The following HCRTR2 variants were observed in gnomAD, a reference collection of about 807,000 sequenced individuals.
The protein encoded by HCRTR2 is hypocretin receptor 2.
HCRTR2 carries 22 observed loss-of-function variants against 49.0 expected under a neutral mutation model. That is an observed-to-expected ratio of 0.45 (90% confidence interval 0.32 to 0.64). HCRTR2 has a LOEUF of 0.64. Ranked by LOEUF, HCRTR2 falls within the 30% of genes least tolerant of loss-of-function variation. The pLI is 0.04. For synonymous variants in HCRTR2, 236 were observed against 205.3 expected (o/e 1.15, Z -1.28); for missense variants, 491 against 559.4 (o/e 0.88, Z 1.23).
At chr6:55,229,720 C>T (rs1766078752) in intron 1 of HCRTR2, among the ~76,000 whole-genome samples, 1 of 152,034 alleles carries the variant, frequency 6.6e-6, no homozygotes, top group African/African-American at 2.4e-5. Flanking sequence ...ATGGTAGTTG[C>T]CAGGGGCTGG....
At chr6:55,198,289 T>G (rs528610818) in intron 1 of HCRTR2, among the ~76,000 whole-genome samples, 3 of 152,172 alleles carry the variant, frequency 2.0e-5, no homozygotes, top group Non-Finnish European at 4.4e-5. Context: ...TAACTATATC[T>G]CCAACCCTAA....
intron 1 of HCRTR2, among the ~76,000 whole-genome samples, chr6:55,125,657 C>T (rs1002144470): frequency 1.3e-5 from 2 of 152,064 alleles, no homozygotes; most frequent in African/African-American, 4.8e-5. Flanking sequence ...TGAATGTTGG[C>T]CTGTCTTGCT....
At position 55,242,108 on chromosome 6, in the gene HCRTR2, G is replaced by A. The variant is rs567897835; in HGVS notation, c.224-6531G>A. 1.1e-3 allele frequency among the ~76,000 whole-genome samples: 173 copies of A among 151,854 alleles called. 1 individual carries two copies. The highest frequency in any genetic ancestry group is 4.1e-3 in the African/African-American group (168 of 41,406). On this transcript the variant is annotated intron_variant, in intron 1 of 6. Coordinates refer to ENST00000370862, the MANE Select transcript of HCRTR2 (RefSeq NM_001384272.1). ...TGGTCTCGAACTCCTGATCTCAGGG[G>A]ATCCACCCACCTCGGCCTCCCAAAG... is the stretch of plus-strand genomic sequence containing the variant.
At chr6:55,115,946 G>A (rs942485792) in intron 1 of HCRTR2, among the ~76,000 whole-genome samples, 2 of 151,580 alleles carry the variant, frequency 1.3e-5, no homozygotes, top group Admixed American at 6.6e-5. Context: ...AATTATCTAT[G>A]CATGCATATG....
intron 3 of HCRTR2, among the ~76,000 whole-genome samples, 164 bp from the exon 4 acceptor site, chr6:55,263,543 A>T (rs186503969): frequency 1.3e-5 from 2 of 152,288 alleles, no homozygotes; most frequent in East Asian, 3.9e-4. Flanking sequence ...GAGTAAAATA[A>T]GTTGTTAAAT....
intron 1 of HCRTR2, among the ~76,000 whole-genome samples, chr6:55,113,397 A>G (rs1054670136): frequency 2.0e-5 from 3 of 152,116 alleles, no homozygotes; most frequent in Non-Finnish European, 4.4e-5. Context: ...AATGAGGAAT[A>G]TCCAGAATCT....
intron 1 of HCRTR2, among the ~76,000 whole-genome samples, chr6:55,149,839 T>C (rs930435474): frequency 6.6e-6 from 1 of 152,066 alleles, no homozygotes; most frequent in African/African-American, 2.4e-5. Flanking sequence ...CAAATGTACT[T>C]GGCTTTCAGA....
chr6:55,174,999 C>T (rs1053295553), intron 1 of HCRTR2, among the ~76,000 whole-genome samples, 189 bp downstream of exon 1: 8 of 152,048 alleles, frequency 5.3e-5, no homozygotes, highest in African/African-American at 1.9e-4. Context: ...GGGACCGAGC[C>T]CTGGAAAGGT....
chr6:55,110,328 GTATT>G (rs1460101110), intron 1 of HCRTR2, among the ~76,000 whole-genome samples: 2 of 151,914 alleles, frequency 1.3e-5, no homozygotes, highest in Non-Finnish European at 1.5e-5. Flanking sequence ...CAAAAACAAG[GTATT>G]CAGGCAATAA....
chr6:55,134,476 A>T (rs1252873033), intron 1 of HCRTR2, among the ~76,000 whole-genome samples: 1 of 151,688 alleles, frequency 6.6e-6, no homozygotes, highest in African/African-American at 2.4e-5. Context: ...GTGTGTATGT[A>T]TAGTGAGAGC....
At chr6:55,266,633 T>A (rs1405312641) in intron 4 of HCRTR2, among the ~76,000 whole-genome samples, 1 of 138,476 alleles carries the variant, frequency 7.2e-6, no homozygotes, top group East Asian at 2.0e-4. Flanking sequence ...ATAAAAGGTA[T>A]GCTTATAATT....
intron 1 of HCRTR2, among the ~76,000 whole-genome samples, chr6:55,193,102 C>G (rs565254434): frequency 7.2e-5 from 11 of 152,286 alleles, no homozygotes; most frequent in African/African-American, 2.6e-4. Flanking sequence ...TGTGTTCACT[C>G]ATTCATTCCT....
chr6:55,223,377 T>C lies in HCRTR2; in HGVS notation c.224-25262T>C, dbSNP rs189184008. Among the ~76,000 whole-genome samples the C allele has an allele frequency of 2.0e-3, 302 of 152,272 alleles. 1 individual carries two copies. The highest frequency in any genetic ancestry group is 7.0e-3 in the African/African-American group (292 of 41,558). ...TCTCCTTTGTGCCTTCTCTTTAAAT[T>C]ACCATTATCCTGTAACCATAAATTA... On this transcript the variant is annotated intron_variant, in intron 1 of 6. Coordinates refer to ENST00000370862, the MANE Select transcript of HCRTR2 (RefSeq NM_001384272.1).
intron 1 of HCRTR2, among the ~76,000 whole-genome samples, chr6:55,111,354 A>G (rs1308071166): frequency 1.2e-5 from 1 of 80,202 alleles, no homozygotes; most frequent in Non-Finnish European, 3.5e-5. Context: ...AACAAAAAAC[A>G]TAAGATAAAT....
intron 3 of HCRTR2, 97 bp from the exon 4 acceptor site, chr6:55,263,610 G>A (rs1245598201): frequency 1.4e-6 from 1 of 711,806 alleles, no homozygotes; most frequent in African/African-American, 1.8e-5. Context: ...TCATATAAAA[G>A]GTAAATATGC....
intron 1 of HCRTR2, among the ~76,000 whole-genome samples, chr6:55,116,069 T>C (rs1764111873): frequency 6.6e-6 from 1 of 151,694 alleles, no homozygotes. Flanking sequence ...TTTTTAACTT[T>C]TACAAAATAT....
At chr6:55,157,297 C>A (rs779023887) in intron 1 of HCRTR2, among the ~76,000 whole-genome samples, 2 of 152,134 alleles carry the variant, frequency 1.3e-5, no homozygotes, top group Non-Finnish European at 2.9e-5. Flanking sequence ...GCATGAAAAT[C>A]TTAGGAAGGA....
At chr6:55,162,660 G>A (rs1764822595) in intron 1 of HCRTR2, among the ~76,000 whole-genome samples, 1 of 152,144 alleles carries the variant, frequency 6.6e-6, no homozygotes, top group Non-Finnish European at 1.5e-5. Flanking sequence ...CAAAATCAAT[G>A]TGCAAAAATC....
At chr6:55,112,125 G>T (rs553956599) in intron 1 of HCRTR2, among the ~76,000 whole-genome samples, 1 of 151,992 alleles carries the variant, frequency 6.6e-6, no homozygotes, top group African/African-American at 2.4e-5. Flanking sequence ...AACAAAATCA[G>T]CATAGAAGGA....
Sources: allele counts gnomAD v4.1 joint callset (sites outside exome capture counted in the v4.1 genomes callset), GRCh38; gene constraint gnomAD v4.1.1; transcripts MANE v1.5; gene names NCBI Gene and HGNC (gene_info 2026-07-23, HGNC 2026-07-21).